Variants in DAW1 observed in about 807,000 individuals in gnomAD.
DAW1 encodes the protein dynein assembly factor with WD repeats 1.
DAW1 carries 47 observed loss-of-function variants against 56.5 expected under a neutral mutation model. That is an observed-to-expected ratio of 0.83 (90% CI 0.66 to 1.06). DAW1 has a LOEUF of 1.06. Ranked by LOEUF, DAW1 falls within the 50% of genes least tolerant of loss-of-function variation. DAW1 has a pLI of 0.00. For missense variants in DAW1, 505 were observed against 499.3 expected (o/e 1.01, Z -0.11); for synonymous variants, 190 against 179.0 (o/e 1.06, Z -0.49).
At chr2:227,905,325 G>T (rs1430109750) in intron 8 of DAW1, among the ~76,000 whole-genome samples, 1 of 152,066 alleles carries the variant, frequency 6.6e-6, no homozygotes, top group Non-Finnish European at 1.5e-5. Flanking sequence ...AGATTTCAAT[G>T]GCTTGTCATT....
intron 5 of DAW1, 89 bp downstream of exon 5, chr2:227,894,006 T>G: frequency 7.3e-7 from 1 of 1,372,698 alleles, no homozygotes; most frequent in Non-Finnish European, 9.7e-7. Context: ...ACAAGAGGTC[T>G]AAATTTATTG....
At chr2:227,878,886 C>T (rs1357430223) in intron 1 of DAW1, among the ~76,000 whole-genome samples, 2 of 147,646 alleles carry the variant, frequency 1.4e-5, no homozygotes, top group Non-Finnish European at 3.0e-5. Context: ...CTCCTGGGTT[C>T]AAATGATTCT....
rs1690850422 is a variant in DAW1 at position 227,875,148 on chromosome 2, C to T, written c.40+3419C>T. 2.0e-5 allele frequency among the ~76,000 whole-genome samples: 3 copies of T among 152,164 alleles called. No homozygotes were observed. The South Asian group carries it at 6.2e-4, about 31-fold the overall frequency. On this transcript the variant is annotated intron_variant, in intron 1 of 12. Transcript: ENST00000309931. The stretch of plus-strand genomic sequence containing the variant: ...CATTTCTCCACTTACTCATGCCAAA[C>T]ATTTTGGACTCTTCCTTGTCTCTCT...
intron 10 of DAW1, among the ~76,000 whole-genome samples, chr2:227,917,385 C>T (rs895957607): frequency 5.3e-5 from 8 of 151,896 alleles, no homozygotes; most frequent in Non-Finnish European, 1.0e-4. Flanking sequence ...CTCAGCCTCC[C>T]GAGTAGCTGG....
At position 227,893,916 on chromosome 2, in the gene DAW1, G is replaced by C; in HGVS notation, c.439G>C (p.Gly147Arg). ...VYAIAFNNPY[G>R]DKIATGSFDK... Reference sequence around the variant, plus strand: ...TGCCATAGCATTCAACAATCCTTACGGGTGTGTTCATCCCTTCACTTATTT... The same window carrying C: ...TGCCATAGCATTCAACAATCCTTACCGGTGTGTTCATCCCTTCACTTATTT... The change falls in exon 5 of 13, where the codon GGT (glycine) becomes CGT (arginine). Residue 147 changes from glycine (G) to arginine (R), a missense_variant and splice_region_variant. Gly to Arg is a moderately radical substitution (Grantham distance 125, BLOSUM62 -2). Coordinates refer to ENST00000309931, the MANE Select transcript of DAW1 (RefSeq NM_178821.3). 1 of 1,596,276 alleles carries C rather than the reference G, an allele frequency of 6.3e-7. No individual in the cohort carries two copies. Among genetic ancestry groups the C allele is most frequent in the Non-Finnish European group, 8.5e-7 (1 of 1,173,464 alleles).
chr2:227,901,350 T>C (rs965303363), intron 6 of DAW1, among the ~76,000 whole-genome samples: 2 of 152,174 alleles, frequency 1.3e-5, no homozygotes, highest in Non-Finnish European at 2.9e-5. Flanking sequence ...TAGATTGATA[T>C]AAGCTGCCTG....
chr2:227,900,726 A>G (rs763647696), intron 6 of DAW1, among the ~76,000 whole-genome samples: 38 of 152,120 alleles, frequency 2.5e-4, no homozygotes, highest in Non-Finnish European at 2.8e-4. Flanking sequence ...CTGACCCTCC[A>G]TGTGGTGGCA....
At position 227,921,422 on chromosome 2, in the gene DAW1, C is replaced by T. The variant is rs766128089; in HGVS notation, c.1074C>T (p.Asn358=). 3 of 1,585,410 alleles carry T rather than the reference C, an allele frequency of 1.9e-6. No individual in the cohort carries two copies. In the African/African-American group the frequency reaches 4.1e-5, roughly 22 times the overall value. The change falls in exon 12 of 13, where the codon AAC becomes AAT. Residue 358 remains asparagine, a synonymous_variant. Coordinates refer to ENST00000309931, the MANE Select transcript of DAW1 (RefSeq NM_178821.3). ...ISKISFNPQG[N]HLLTGSSDKT... is the part of the protein sequence containing the mutation. The stretch of plus-strand genomic sequence containing the variant: ...AGATTTCTTTCAACCCTCAAGGGAA[C>T]CATCTTCTAACTGGCAGCTCTGACA...
intron 1 of DAW1, among the ~76,000 whole-genome samples, chr2:227,875,834 T>G (rs1300978974): frequency 6.6e-6 from 1 of 152,188 alleles, no homozygotes; most frequent in African/African-American, 2.4e-5. Context: ...TCTATTTTGT[T>G]TGCTCCTTAT....
intron 10 of DAW1, among the ~76,000 whole-genome samples, chr2:227,909,815 G>C (rs1004901984): frequency 6.6e-6 from 1 of 152,116 alleles, no homozygotes; most frequent in Non-Finnish European, 1.5e-5. Flanking sequence ...CAATGGATTG[G>C]ATGATGCCTG....
intron 1 of DAW1, among the ~76,000 whole-genome samples, chr2:227,875,022 T>C (rs1690847475): frequency 6.6e-6 from 1 of 151,804 alleles, no homozygotes; most frequent in Non-Finnish European, 1.5e-5. Context: ...CGCATAGTCC[T>C]GAGTACCTGA....
In DAW1 at chr2:227,921,402, T is replaced by C. The variant is rs1177451834; in HGVS notation, c.1054T>C (p.Ser352Pro). The change falls in exon 12 of 13, where the codon TCT becomes CCT. Residue 352 changes from serine to proline, a missense_variant. Physicochemically the swap from Ser to Pro is moderately conservative, Grantham distance 74. Coordinates refer to ENST00000309931, the MANE Select transcript of DAW1 (RefSeq NM_178821.3). The part of the protein sequence containing the change: ...EGHEGEISKI[S>P]FNPQGNHLLT... Reference sequence around the variant, plus strand: ...CATTTTTCTTTCTCTTTTGCAGATTTCTTTCAACCCTCAAGGGAACCATCT... The same window carrying C: ...CATTTTTCTTTCTCTTTTGCAGATTCCTTTCAACCCTCAAGGGAACCATCT... The C allele has an allele frequency of 2.5e-6, 4 of 1,608,722 alleles. No individual in the cohort carries two copies. Among genetic ancestry groups the C allele is most frequent in the Non-Finnish European group, 3.4e-6 (4 of 1,177,076 alleles).
chr2:227,880,577 C>T (rs1198150640), intron 1 of DAW1, among the ~76,000 whole-genome samples: 6 of 152,184 alleles, frequency 3.9e-5, no homozygotes, highest in Admixed American at 3.9e-4. Flanking sequence ...GCTTGCTGTG[C>T]TGTAGTGTTC....
chr2:227,909,266 A>ATCTG lies in DAW1; in HGVS notation c.973+2017_973+2018insGTCT, dbSNP rs1258557710. Among the ~76,000 whole-genome samples, 519 of 142,018 alleles carry ATCTG rather than the reference A, an allele frequency of 3.7e-3. 5 individuals carry two copies. The highest frequency in any genetic ancestry group is 0.013 in the African/African-American group (502 of 38,992). The allele number at this position is 142,018 out of a possible 152,430, so 93.2% of individuals were successfully genotyped here. A position where few individuals can be genotyped will look rare whatever the true frequency, so the allele number is the denominator to read the frequency against. Reference sequence around the variant, plus strand: ...TATCTATCTATCTATCTATCTATCTATCTATCTGTCTGTCTGTCTGTCTCC... The same window carrying ATCTG: ...TATCTATCTATCTATCTATCTATCTATCTGTCTATCTGTCTGTCTGTCTGTCTCC... On this transcript the variant is annotated intron_variant, in intron 10 of 12. Transcript: ENST00000309931.
intron 1 of DAW1, 41 bp downstream of exon 1, chr2:227,871,770 T>G: frequency 6.2e-7 from 1 of 1,612,028 alleles, no homozygotes; most frequent in Non-Finnish European, 8.5e-7. Flanking sequence ...CGTGGGACCC[T>G]GGGCTCCCAG....
intron 10 of DAW1, among the ~76,000 whole-genome samples, chr2:227,909,588 G>GTC (rs1691770568): frequency 6.6e-6 from 1 of 152,106 alleles, no homozygotes; most frequent in Non-Finnish European, 1.5e-5. Context: ...ATAATTCAGT[G>GTC]TAAGTCTGAA....
intron 10 of DAW1, among the ~76,000 whole-genome samples, chr2:227,907,758 G>C (rs1490725475): frequency 6.6e-6 from 1 of 152,278 alleles, no homozygotes; most frequent in South Asian, 2.1e-4. Flanking sequence ...ATGTTGGCCA[G>C]GCTGGTCTCG....
rs1048462137 is a variant in DAW1, at chr2:227,911,376, A to G, written c.973+4124A>G. Among the ~76,000 whole-genome samples the G allele has an allele frequency of 2.6e-5, 3 of 117,390 alleles. No individual in the cohort carries two copies. The South Asian group carries it at 7.9e-4, about 31-fold the overall frequency. 77.0% of individuals were successfully genotyped at this position (117,390 alleles called of 152,430 possible). A position where few individuals can be genotyped will look rare whatever the true frequency, so the allele number is the denominator to read the frequency against. On this transcript the variant is annotated intron_variant, in intron 10 of 12. Transcript: ENST00000309931. ...TATATATAAAATTATACATGATTAT[A>G]TATATTATATATATATTACATTCTG...
intron 10 of DAW1, among the ~76,000 whole-genome samples, chr2:227,914,813 TTAGA>T (rs2106213445): frequency 6.6e-6 from 1 of 152,250 alleles, no homozygotes; most frequent in South Asian, 2.1e-4. Context: ...GATATCTGTC[TTAGA>T]TAATGTCGTA....
Sources: allele counts gnomAD v4.1 joint callset (sites outside exome capture counted in the v4.1 genomes callset), GRCh38; gene constraint gnomAD v4.1.1; transcripts MANE v1.5; gene names NCBI Gene and HGNC (gene_info 2026-07-23, HGNC 2026-07-21).